GNAL: variants seen among roughly 807,000 people sequenced by gnomAD.
GNAL encodes the protein G protein subunit alpha L, also known as guanine nucleotide-binding protein G(olf) subunit alpha.
A neutral mutation model predicts 55.1 loss-of-function variants in GNAL; 18 were observed. That is an observed-to-expected ratio of 0.33 (90% confidence interval 0.23 to 0.48). The LOEUF is 0.48. GNAL is among the 20% of genes least tolerant of loss of function. The pLI is 0.99. For missense variants in GNAL, 412 were observed against 614.1 expected (o/e 0.67, Z 3.48); for synonymous variants, 253 against 237.0 (o/e 1.07, Z -0.62).
At chr18:11,841,631 T>A in intron 5 of GNAL, among the ~76,000 whole-genome samples, 1 of 121,186 alleles carries the variant, frequency 8.3e-6, no homozygotes, top group Non-Finnish European at 1.7e-5. Context: ...GGCAACAGAG[T>A]AAGGGTCTGT....
chr18:11,828,346 G>A (rs751616424), intron 5 of GNAL, among the ~76,000 whole-genome samples: 56 of 142,268 alleles, frequency 3.9e-4, no homozygotes, highest in African/African-American at 1.2e-3. Flanking sequence ...GGAGGCTGCC[G>A]TGAGCTATCA....
At chr18:11,708,347 A>AT (rs2031761630) in intron 1 of GNAL, among the ~76,000 whole-genome samples, 1 of 152,138 alleles carries the variant, frequency 6.6e-6, no homozygotes, top group Non-Finnish European at 1.5e-5. Context: ...AGGGAGAGAG[A>AT]TGGGGGAATG....
At chr18:11,874,903 A>T (rs1026248584) in intron 10 of GNAL, among the ~76,000 whole-genome samples, 1 of 150,962 alleles carries the variant, frequency 6.6e-6, no homozygotes, top group Non-Finnish European at 1.5e-5. Flanking sequence ...CCTTCTATGA[A>T]TCTGTGAGTA....
intron 8 of GNAL, among the ~76,000 whole-genome samples, chr18:11,867,936 C>G (rs774985247): frequency 6.6e-6 from 1 of 151,398 alleles, no homozygotes; most frequent in Admixed American, 6.6e-5. Flanking sequence ...ATCAGCCTGA[C>G]CAACATAGTG....
intron 1 of GNAL, among the ~76,000 whole-genome samples, chr18:11,726,100 A>G (rs1035639408): frequency 7.9e-5 from 12 of 152,308 alleles, no homozygotes; most frequent in Admixed American, 6.5e-4. Context: ...TGTCTCTTCC[A>G]TTGATCTGCA....
At chr18:11,699,546 G>T (rs922787522) in intron 1 of GNAL, among the ~76,000 whole-genome samples, 3 of 146,256 alleles carry the variant, frequency 2.1e-5, no homozygotes, top group Admixed American at 1.4e-4. Context: ...TAGTTGTTGG[G>T]TTTTTTTTTT....
intron 11 of GNAL, among the ~76,000 whole-genome samples, chr18:11,879,134 A>G: frequency 6.6e-6 from 1 of 150,554 alleles, no homozygotes; most frequent in African/African-American, 2.4e-5. Context: ...AAATATATAT[A>G]TATAACCTAC....
intron 11 of GNAL, among the ~76,000 whole-genome samples, chr18:11,879,016 T>G (rs2036596910): frequency 6.6e-6 from 1 of 151,428 alleles, no homozygotes; most frequent in African/African-American, 2.4e-5. Context: ...AATGACGAGT[T>G]AATGGGTGCA....
intron 5 of GNAL, among the ~76,000 whole-genome samples, chr18:11,846,180 G>A (rs2035730683): frequency 6.6e-6 from 1 of 152,056 alleles, no homozygotes; most frequent in African/African-American, 2.4e-5. Flanking sequence ...GTTGTTCAGT[G>A]TAAAGAAGGA....
At chr18:11,761,086 G>T (rs982144292) in intron 4 of GNAL, among the ~76,000 whole-genome samples, 7 of 151,998 alleles carry the variant, frequency 4.6e-5, no homozygotes, top group Admixed American at 3.3e-4. Flanking sequence ...GGGCTGGTTG[G>T]TGGCCCCACC....
At chr18:11,769,664 C>T (rs980788368) in intron 4 of GNAL, among the ~76,000 whole-genome samples, 2 of 152,144 alleles carry the variant, frequency 1.3e-5, no homozygotes, top group Non-Finnish European at 2.9e-5. Flanking sequence ...TATGTTCAAA[C>T]AAATTGAAGT....
chr18:11,747,239 C>T, intron 1 of GNAL: 1 of 340,616 alleles, frequency 2.9e-6, no homozygotes, highest in South Asian at 2.8e-5. Flanking sequence ...GGAGAAACAG[C>T]TCCTGAAAGA....
At chr18:11,712,954 T>TC (rs1249633462) in intron 1 of GNAL, among the ~76,000 whole-genome samples, 2 of 152,140 alleles carry the variant, frequency 1.3e-5, no homozygotes, top group African/African-American at 4.8e-5. Context: ...AAGGACCCCC[T>TC]CCCAAGTCAA....
intron 5 of GNAL, among the ~76,000 whole-genome samples, chr18:11,843,386 G>T (rs904798400): frequency 1.1e-4 from 16 of 152,204 alleles, no homozygotes; most frequent in African/African-American, 3.9e-4. Context: ...TTAGCGGAGA[G>T]TGGTGGTGCA....
intron 4 of GNAL, among the ~76,000 whole-genome samples, chr18:11,784,115 C>G (rs1433046742): frequency 2.0e-5 from 3 of 152,226 alleles, no homozygotes; most frequent in Non-Finnish European, 4.4e-5. Context: ...TGCCTGAGTA[C>G]CGGACACTGC....
chr18:11,780,767 A>G (rs2033906182), intron 4 of GNAL, among the ~76,000 whole-genome samples: 1 of 152,242 alleles, frequency 6.6e-6, no homozygotes, highest in African/African-American at 2.4e-5. Context: ...GGTAAGGTGA[A>G]TAACTCAGTA....
intron 1 of GNAL, among the ~76,000 whole-genome samples, chr18:11,731,856 C>G (rs928791245): frequency 8.5e-5 from 13 of 152,236 alleles, no homozygotes; most frequent in Non-Finnish European, 1.6e-4. Context: ...CGTTTCCCCT[C>G]CTGCTCTTCC....
chr18:11,824,602 C>T (rs574630404), intron 4 of GNAL, among the ~76,000 whole-genome samples: 2 of 152,080 alleles, frequency 1.3e-5, no homozygotes, highest in Admixed American at 6.6e-5. Flanking sequence ...GCAGGAGAAT[C>T]GCTTGAACCT....
chr18:11,847,533 G>A (rs945784303), intron 5 of GNAL, among the ~76,000 whole-genome samples: 7 of 151,858 alleles, frequency 4.6e-5, no homozygotes, highest in Non-Finnish European at 8.8e-5. Flanking sequence ...TCAGCCAGAT[G>A]TGCCAAATGA....
Sources: gnomAD v4.1 joint callset for allele counts (sites outside exome capture counted in the v4.1 genomes callset) on GRCh38, gnomAD v4.1.1 for gene constraint, MANE v1.5 for transcripts, NCBI Gene and HGNC (gene_info 2026-07-23, HGNC 2026-07-21) for gene names.